P4HA3: variants seen among roughly 807,000 people sequenced by gnomAD.
P4HA3 encodes the protein prolyl 4-hydroxylase subunit alpha 3.
In P4HA3, 60 loss-of-function variants were observed where a neutral mutation model predicts 66.7. The ratio of observed to expected loss-of-function variants is 0.90; its 90% CI spans 0.73 to 1.12. The LOEUF (loss-of-function observed/expected upper bound fraction) is 1.12, where lower values mean the gene tolerates loss of function less well. P4HA3 is among the 50% of genes most tolerant of loss of function. The pLI is 0.00. For missense variants in P4HA3, 683 were observed against 685.8 expected (o/e 1.00, Z 0.05); for synonymous variants, 263 against 274.6 (o/e 0.96, Z 0.42).
At position 74,266,757 on chromosome 11, in the gene P4HA3, T is replaced by C. The variant is rs930205712; in HGVS notation, c.*491A>G. The C allele has an allele frequency of 2.7e-6, 1 of 370,756 alleles. No individual in the cohort carries two copies. Among genetic ancestry groups the C allele is most frequent in the Non-Finnish European group, 4.8e-6 (1 of 206,528 alleles). The allele number at this position is 370,756 out of a possible 1,614,324, so 23.0% of individuals were successfully genotyped here. A position where few individuals can be genotyped will look rare whatever the true frequency, so the allele number is the denominator to read the frequency against. ...AAAAAATCCTTATATAATGTACCACTCATCTGGGATATGCTTCTGGGAGGG... is the reference window on the plus strand; with the variant it reads ...AAAAAATCCTTATATAATGTACCACCCATCTGGGATATGCTTCTGGGAGGG... On this transcript the variant is annotated 3_prime_UTR_variant, in exon 13 of 13. Coordinates refer to ENST00000331597, the MANE Select transcript of P4HA3 (RefSeq NM_182904.5).
At chr11:74,305,903 AATTAC>A (rs1365010574) in intron 1 of P4HA3, among the ~76,000 whole-genome samples, 4 of 152,186 alleles carry the variant, frequency 2.6e-5, no homozygotes, top group African/African-American at 9.7e-5. Flanking sequence ...AGACACAAAT[AATTAC>A]ATTACAGATG....
At chr11:74,252,980 T>C (rs2135688625) in intron 15 of P4HA3, among the ~76,000 whole-genome samples, 1 of 152,306 alleles carries the variant, frequency 6.6e-6, no homozygotes, top group Middle Eastern at 3.4e-3. Context: ...ATTCCTACCA[T>C]TGAAAAGTCT....
chr11:74,251,623 C>A, intron 15 of P4HA3: 4 of 1,610,182 alleles, frequency 2.5e-6, no homozygotes, highest in Non-Finnish European at 3.4e-6. Context: ...CTTTATATGG[C>A]CTGGAATATC....
chr11:74,288,631 G>A (rs1435122485), intron 5 of P4HA3, among the ~76,000 whole-genome samples: 3 of 152,146 alleles, frequency 2.0e-5, no homozygotes, highest in Non-Finnish European at 4.4e-5. Flanking sequence ...AATTTGAAAT[G>A]TGACCTGGAT....
chr11:74,292,701 T>C (rs1483229834), intron 4 of P4HA3, among the ~76,000 whole-genome samples: 1 of 152,132 alleles, frequency 6.6e-6, no homozygotes, highest in Non-Finnish European at 1.5e-5. Context: ...ATTTCATTAT[T>C]TACCCAGTAG....
intron 1 of P4HA3, among the ~76,000 whole-genome samples, chr11:74,306,973 G>A (rs73550769): frequency 0.091 from 13,799 of 152,040 alleles, 982 homozygotes; most frequent in African/African-American, 0.2. Flanking sequence ...CTTTGGCTCC[G>A]TATGGAACTA....
Position 74,255,071 on chromosome 11 carries a change from C to T in P4HA3, c.*1318+4852G>A, listed in dbSNP as rs969787815. ...GAACAGGTAGGCCCAGGTTCCTCCT[C>T]CTGTCTCTCCCAGATGACCAAAAGC... On this transcript the variant is annotated intron_variant and NMD_transcript_variant, in intron 15 of 15. Transcript: ENST00000524388. Among the ~76,000 whole-genome samples the T allele has an allele frequency of 5.9e-5, 9 of 152,218 alleles. 1 individual carries two copies. Among genetic ancestry groups the T allele is most frequent in the Admixed American group, 5.9e-4 (9 of 15,292 alleles).
At chr11:74,271,702 A>C (rs1860205462) in intron 10 of P4HA3, among the ~76,000 whole-genome samples, 1 of 152,110 alleles carries the variant, frequency 6.6e-6, no homozygotes, top group East Asian at 1.9e-4. Flanking sequence ...AAAATCACCA[A>C]CTGGACTTCA....
In P4HA3 at chr11:74,279,371, G is replaced by A. The variant is rs1439439356; in HGVS notation, c.1175+17C>T. The A allele has an allele frequency of 6.2e-7, 1 of 1,612,790 alleles. No individual in the cohort carries two copies. Among genetic ancestry groups the A allele is most frequent in the Non-Finnish European group, 8.5e-7 (1 of 1,178,872 alleles). ...GAGGGTGGGCAGCAGGTATGACCAA[G>A]GAAGGGCCCTTCTTACCTTTTGCTG... On this transcript the variant is annotated intron_variant, in intron 8 of 12. Coordinates refer to ENST00000331597, the MANE Select transcript of P4HA3 (RefSeq NM_182904.5).
intron 4 of P4HA3, among the ~76,000 whole-genome samples, chr11:74,291,449 C>T (rs1006909619): frequency 6.6e-6 from 1 of 152,172 alleles, no homozygotes; most frequent in East Asian, 1.9e-4. Flanking sequence ...CCTTCTCCTG[C>T]CTGATTGCCC....
chr11:74,251,635 C>G (rs779228861), intron 15 of P4HA3: 1 of 1,612,476 alleles, frequency 6.2e-7, no homozygotes, highest in East Asian at 2.2e-5. Flanking sequence ...TGGAATATCT[C>G]TCCCATTTCC....
At chr11:74,272,907 G>T (rs1465065517) in intron 10 of P4HA3, among the ~76,000 whole-genome samples, 1 of 152,228 alleles carries the variant, frequency 6.6e-6, no homozygotes, top group Non-Finnish European at 1.5e-5. Flanking sequence ...TGAAGGGAAG[G>T]GGACAGGTGA....
chr11:74,286,139 T>G (rs912708222), intron 6 of P4HA3, 89 bp downstream of exon 6: 1 of 1,511,526 alleles, frequency 6.6e-7, no homozygotes, highest in Non-Finnish European at 9.0e-7. Flanking sequence ...TTTTAATGCA[T>G]CAGCTCTATC....
chr11:74,251,112 C>T, intron 15 of P4HA3: 1 of 1,531,764 alleles, frequency 6.5e-7, no homozygotes, highest in Non-Finnish European at 8.8e-7. Context: ...CCTGCATTGC[C>T]TGCAGCAGCT....
chr11:74,253,474 C>T (rs746469310), intron 15 of P4HA3: 139 of 1,602,772 alleles, frequency 8.7e-5, no homozygotes, highest in Non-Finnish European at 1.2e-4. Context: ...TTTTCCTTCT[C>T]TTTCTGTTCT....
chr11:74,310,324 C>A (rs550024108), intron 1 of P4HA3, among the ~76,000 whole-genome samples: 2 of 152,316 alleles, frequency 1.3e-5, no homozygotes, highest in South Asian at 4.1e-4. Flanking sequence ...CCTTTTATGC[C>A]ACAGTGTGTA....
chr11:74,284,277 G>A (rs1860704919), intron 7 of P4HA3, among the ~76,000 whole-genome samples: 1 of 152,196 alleles, frequency 6.6e-6, no homozygotes, highest in African/African-American at 2.4e-5. Context: ...CTTTCCCTGT[G>A]GAAGAATTAG....
chr11:74,289,217 AG>A, intron 4 of P4HA3, 87 bp from the exon 5 acceptor site: 10 of 1,163,430 alleles, frequency 8.6e-6, no homozygotes, highest in Non-Finnish European at 1.2e-5. Flanking sequence ...AAAAAAAAAA[AG>A]ATAAAATATT....
At position 74,302,602 on chromosome 11, in the gene P4HA3, T is replaced by C. The variant is rs1442462607; in HGVS notation, c.344-10A>G. 6.2e-7 allele frequency: 1 copy of C among 1,605,686 alleles called. No individual in the cohort carries two copies. Among genetic ancestry groups the C allele is most frequent in the African/African-American group, 1.3e-5 (1 of 74,530 alleles). On this transcript the variant is annotated splice_polypyrimidine_tract_variant and intron_variant, in intron 2 of 12. Coordinates refer to ENST00000331597, the MANE Select transcript of P4HA3 (RefSeq NM_182904.5). ...TAGCCATCCTTCAGAGCTGTAAAAGTAGTAAAAACATCAACCCAGCATTCA... is the reference window on the plus strand; with the variant it reads ...TAGCCATCCTTCAGAGCTGTAAAAGCAGTAAAAACATCAACCCAGCATTCA...
Sources: allele counts gnomAD v4.1 joint callset (sites outside exome capture counted in the v4.1 genomes callset), GRCh38; gene constraint gnomAD v4.1.1; transcripts MANE v1.5; gene names NCBI Gene and HGNC (gene_info 2026-07-23, HGNC 2026-07-21).